The following MEGF10 variants were observed in gnomAD, a reference collection of about 807,000 sequenced individuals.
The protein encoded by MEGF10 is multiple EGF like domains 10.
Under a neutral mutation model 147.5 loss-of-function variants are expected in MEGF10, and 86 were observed. The observed-to-expected ratio is 0.58, with a 90% confidence interval of 0.49 to 0.70. The LOEUF is 0.70. MEGF10 is among the 30% of genes least tolerant of loss of function. The pLI is 0.00. For synonymous variants in MEGF10, 478 were observed against 525.5 expected, an observed-to-expected ratio of 0.91 and a Z score of 1.24; for missense variants, 1,329 against 1,487.3, an observed-to-expected ratio of 0.89 and a Z score of 1.75.
rs1162386310 is a variant in MEGF10 at position 127,369,907 on chromosome 5, C to T, written c.320-3C>T. On this transcript the variant is annotated splice_region_variant and splice_polypyrimidine_tract_variant and intron_variant, in intron 4 of 24. Coordinates refer to ENST00000503335, the MANE Select transcript of MEGF10 (RefSeq NM_001256545.2). ...TTTATTTGATTGATTTTCTCTCTGA[C>T]AGCCCACTGTGCTGATAAATGTGTC... 6.3e-7 allele frequency: 1 copy of T among 1,594,922 alleles called. No homozygotes were observed. The highest frequency in any genetic ancestry group is 1.1e-5 in the South Asian group (1 of 88,112).
Position 127,402,695 on chromosome 5 carries a change from C to T in MEGF10, c.917+13C>T, listed in dbSNP as rs778081683. On this transcript the variant is annotated intron_variant, in intron 8 of 24. Transcript: ENST00000503335. ...ACACAGGGGAACGGTAAGGGATGCC[C>T]TTGTATTTCTCTGACTGTTTATAAT... The T allele has an allele frequency of 6.2e-7, 1 of 1,613,054 alleles. No homozygotes were observed. The highest frequency in any genetic ancestry group is 2.2e-5 in the East Asian group (1 of 44,854).
intron 5 of MEGF10, among the ~76,000 whole-genome samples, chr5:127,395,828 G>A (rs1748748710): frequency 6.6e-6 from 1 of 152,154 alleles, no homozygotes; most frequent in African/African-American, 2.4e-5. Context: ...ACAGGCGTGA[G>A]CCACCGTTGA....
upstream of MEGF10, among the ~76,000 whole-genome samples, chr5:127,285,866 C>G (rs1284018575): frequency 6.6e-6 from 1 of 152,080 alleles, no homozygotes; most frequent in East Asian, 1.9e-4. Flanking sequence ...GTGCCCCATG[C>G]TTATTGCAGC....
chr5:127,236,800 T>C, the MEGF10 span, among the ~76,000 whole-genome samples: 1 of 152,228 alleles, frequency 6.6e-6, no homozygotes, highest in South Asian at 2.1e-4. Context: ...CAAAACATTT[T>C]TGGGAAACTT....
chr5:127,440,834 C>T lies in MEGF10; in HGVS notation c.2329C>T (p.Arg777Cys), dbSNP rs377728219. ...CDHISGQCTC[R>C]TGFMGRHCEQ... ...CCACATTTCTGGGCAGTGTACTTGC[C>T]GCACTGGATTCATGGGACGGCACTG... is the stretch of plus-strand genomic sequence containing the variant. Residue 777 changes from arginine to cysteine, a missense_variant, in exon 18 of 25, where the codon CGC becomes TGC. Coordinates refer to ENST00000503335, the MANE Select transcript of MEGF10 (RefSeq NM_001256545.2). 1.5e-5 allele frequency: 25 copies of T among 1,613,954 alleles called. No individual in the cohort carries two copies. The highest frequency in any genetic ancestry group is 1.9e-5 in the Non-Finnish European group (23 of 1,179,974).
At position 127,457,574 on chromosome 5, in the gene MEGF10, G is replaced by A. The variant is rs1766413908; in HGVS notation, c.*256G>A. On this transcript the variant is annotated 3_prime_UTR_variant, in exon 25 of 25. Coordinates refer to ENST00000503335, the MANE Select transcript of MEGF10 (RefSeq NM_001256545.2). ...CTATACCCGTGAAGCATGACTTATTGTAAGATGTTGGCTGAAAGCATGAAC... is the reference window on the plus strand; with the variant it reads ...CTATACCCGTGAAGCATGACTTATTATAAGATGTTGGCTGAAAGCATGAAC... 1 of 431,158 alleles carries A rather than the reference G, an allele frequency of 2.3e-6. No homozygotes were observed. Among genetic ancestry groups the A allele is most frequent in the Non-Finnish European group, 4.1e-6 (1 of 241,450 alleles). 26.7% of individuals were successfully genotyped at this position (431,158 alleles called of 1,614,324 possible).
intron 14 of MEGF10, 58 bp downstream of exon 14, chr5:127,433,567 A>G (rs886348392): frequency 2.0e-6 from 3 of 1,537,036 alleles, no homozygotes; most frequent in Non-Finnish European, 1.8e-6. Context: ...CCATGTATCG[A>G]ATAATGATCT....
At chr5:127,422,831 G>A (rs988789489) in intron 13 of MEGF10, 59 bp downstream of exon 13, 14 of 1,233,958 alleles carry the variant, frequency 1.1e-5, no homozygotes, top group Admixed American at 1.8e-5. Flanking sequence ...ACCTAGTGCT[G>A]TTCCTTATCA....
chr5:127,233,802 T>C, the MEGF10 span, among the ~76,000 whole-genome samples: 1 of 152,152 alleles, frequency 6.6e-6, no homozygotes, highest in Admixed American at 6.5e-5. Flanking sequence ...ACTTCCTTTT[T>C]TCCTTCACTT....
intron 5 of MEGF10, among the ~76,000 whole-genome samples, chr5:127,377,515 A>C (rs1763078549): frequency 6.6e-6 from 1 of 152,246 alleles, no homozygotes. Flanking sequence ...ACTTGGCAGT[A>C]GTGAAAATAT....
chr5:127,374,921 A>G (rs1185628831), intron 5 of MEGF10, among the ~76,000 whole-genome samples: 2 of 152,074 alleles, frequency 1.3e-5, no homozygotes, highest in African/African-American at 2.4e-5. Context: ...ACTTGGGGTT[A>G]TTTACCTGGT....
At chr5:127,325,785 C>T (rs2126771726) in intron 1 of MEGF10, among the ~76,000 whole-genome samples, 2 of 147,374 alleles carry the variant, frequency 1.4e-5, no homozygotes, top group South Asian at 2.1e-4. Context: ...GGAGATGGGG[C>T]TTGTTTATAA....
chr5:127,403,168 C>A (rs768185944), intron 8 of MEGF10, among the ~76,000 whole-genome samples: 1 of 152,168 alleles, frequency 6.6e-6, no homozygotes, highest in South Asian at 2.1e-4. Context: ...TGGTCCCACA[C>A]GAAACAGAAA....
At chr5:127,369,869 T>C (rs1246458103) in intron 4 of MEGF10, 41 bp from the exon 5 acceptor site, 1 of 1,541,644 alleles carries the variant, frequency 6.5e-7, no homozygotes, top group African/African-American at 1.4e-5. Context: ...TTTTTTTTCT[T>C]GTGCCAACTT....
intron 1 of MEGF10, among the ~76,000 whole-genome samples, chr5:127,328,841 A>G (rs1015042439): frequency 2.0e-5 from 3 of 152,240 alleles, no homozygotes; most frequent in Non-Finnish European, 2.9e-5. Context: ...TACTTCTCAC[A>G]TAGATAAAGC....
At chr5:127,406,756 A>G (rs1438835433) in intron 8 of MEGF10, among the ~76,000 whole-genome samples, 19 of 152,202 alleles carry the variant, frequency 1.2e-4, no homozygotes, top group Admixed American at 1.2e-3. Flanking sequence ...AAAGGTTGAG[A>G]GGATATTGTG....
At chr5:127,393,285 A>T (rs967860014) in intron 5 of MEGF10, among the ~76,000 whole-genome samples, 1 of 152,198 alleles carries the variant, frequency 6.6e-6, no homozygotes. Context: ...TGAATTCAGG[A>T]TAACTGGTCA....
chr5:127,286,245 G>T (rs193011667), upstream of MEGF10, among the ~76,000 whole-genome samples: 94 of 152,144 alleles, frequency 6.2e-4, no homozygotes, highest in Admixed American at 3.0e-3. Flanking sequence ...ATGGTCAGTA[G>T]CAGAGAAGGG....
rs1385707650 is a variant in MEGF10, at chr5:127,461,098, T to C, written c.*3780T>C. On this transcript the variant is annotated 3_prime_UTR_variant, in exon 25 of 25. Coordinates refer to ENST00000503335, the MANE Select transcript of MEGF10 (RefSeq NM_001256545.2). ...TTGGTTGTGGCAAACAAACAAAAAA[T>C]GCTTTCAGTGTTGAAATATCTCTAT... 6.6e-6 allele frequency: 1 copy of C among 152,208 alleles called. No homozygotes were observed. The allele number at this position is 152,208 out of a possible 1,614,324, so 9.4% of individuals were successfully genotyped here. A position where few individuals can be genotyped will look rare whatever the true frequency, so the allele number is the denominator to read the frequency against.
Sources: allele counts gnomAD v4.1 joint callset (sites outside exome capture counted in the v4.1 genomes callset), GRCh38; gene constraint gnomAD v4.1.1; transcripts MANE v1.5; gene names NCBI Gene and HGNC (gene_info 2026-07-23, HGNC 2026-07-21).